The following CACNA1E variants were observed in gnomAD, a reference collection of about 807,000 sequenced individuals.
The protein encoded by CACNA1E is calcium voltage-gated channel subunit alpha1 E.
In CACNA1E, 40 loss-of-function variants were observed where a neutral mutation model predicts 259.2. That is an observed-to-expected ratio of 0.15 (90% CI 0.12 to 0.20). CACNA1E has a LOEUF of 0.20. CACNA1E is among the 10% of genes least tolerant of loss of function. The probability of loss-of-function intolerance (pLI) is 1.00; values close to 1 mark genes in which losing one functional copy is unlikely to be tolerated. For missense variants in CACNA1E, 1,874 were observed against 3,040.1 expected (o/e 0.62, Z 9.02); for synonymous variants, 1,104 against 1,138.5 (o/e 0.97, Z 0.61).
intron 1 of CACNA1E, among the ~76,000 whole-genome samples, chr1:181,320,155 C>T (rs1409808053): frequency 3.3e-5 from 5 of 152,154 alleles, no homozygotes; most frequent in Admixed American, 6.5e-5. Flanking sequence ...GTTGAGCTAT[C>T]GGATCATCGC....
chr1:181,511,496 C>T lies in CACNA1E; in HGVS notation c.498C>T (p.Ile166=), dbSNP rs376114074. 30 of 1,613,604 alleles carry T rather than the reference C, an allele frequency of 1.9e-5. No homozygotes were observed. The Middle Eastern group carries it at 5.1e-4, about 27-fold the overall frequency. The stretch of plus-strand genomic sequence containing the variant: ...ATGGCTGGAATGTCATGGACTTCAT[C>T]GTGGTCCTCAGTGGGTAAGTCCATT... The part of the protein sequence containing the change: ...LRNGWNVMDF[I]VVLSGILATA... Residue 166 remains isoleucine, a synonymous_variant, in exon 3 of 48, where the codon ATC becomes ATT. Coordinates refer to ENST00000367573, the MANE Select transcript of CACNA1E (RefSeq NM_001205293.3).
At position 181,764,341 on chromosome 1, in the gene CACNA1E, G is replaced by A. The variant is rs76798818; in HGVS notation, c.4815+810G>A. On this transcript the variant is annotated intron_variant, in intron 34 of 47. Coordinates refer to ENST00000367573, the MANE Select transcript of CACNA1E (RefSeq NM_001205293.3). ...CCAAAATGAGTTTTTCAGTGAATGT[G>A]TTTAAAAATAAATTTGATGGAATTA... Among the ~76,000 whole-genome samples, 641 of 152,216 alleles carry A rather than the reference G, an allele frequency of 4.2e-3. 15 individuals are homozygous for A. The East Asian group carries it at 0.06, about 14-fold the overall frequency.
At chr1:181,717,032 C>T (rs984844017) in intron 10 of CACNA1E, 61 bp from the exon 11 acceptor site, 82 of 1,448,480 alleles carry the variant, frequency 5.7e-5, no homozygotes, top group Admixed American at 2.0e-4. Context: ...CCTTCGAATG[C>T]TCCCTGGCCC....
At chr1:181,691,968 G>A (rs1651207111) in intron 7 of CACNA1E, among the ~76,000 whole-genome samples, 1 of 152,122 alleles carries the variant, frequency 6.6e-6, no homozygotes, top group African/African-American at 2.4e-5. Flanking sequence ...CTTCAGTGAA[G>A]TTTCAGGATA....
chr1:181,417,112 T>G (rs1411808674), intron 2 of CACNA1E, among the ~76,000 whole-genome samples: 1 of 152,022 alleles, frequency 6.6e-6, no homozygotes, highest in African/African-American at 2.4e-5. Context: ...CCCTCTTTTC[T>G]CTCCACTCCC....
chr1:181,596,204 A>G (rs28585649), intron 6 of CACNA1E, among the ~76,000 whole-genome samples: 2 of 152,198 alleles, frequency 1.3e-5, no homozygotes, highest in African/African-American at 4.8e-5. Flanking sequence ...GCTCACAGAC[A>G]GAGATCCCCT....
At chr1:181,613,214 G>T (rs4271174) in intron 6 of CACNA1E, among the ~76,000 whole-genome samples, 16,748 of 151,966 alleles carry the variant, frequency 0.11, 1,239 homozygotes, top group South Asian at 0.21. Flanking sequence ...TGGTTATTTT[G>T]TTTTCTTCTC....
At chr1:181,518,242 A>G (rs887149960) in intron 3 of CACNA1E, among the ~76,000 whole-genome samples, 13 of 152,160 alleles carry the variant, frequency 8.5e-5, no homozygotes, top group African/African-American at 2.9e-4. Context: ...ACCTGGCATC[A>G]GCATTATTAA....
At chr1:181,753,946 G>T (rs899850272) in intron 27 of CACNA1E, among the ~76,000 whole-genome samples, 1 of 152,186 alleles carries the variant, frequency 6.6e-6, no homozygotes, top group Non-Finnish European at 1.5e-5. Flanking sequence ...TCCCAAGGAA[G>T]TGGCCTGGCC....
At chr1:181,678,716 A>G (rs1396825381) in intron 7 of CACNA1E, among the ~76,000 whole-genome samples, 2 of 152,106 alleles carry the variant, frequency 1.3e-5, no homozygotes, top group Non-Finnish European at 2.9e-5. Context: ...CTCATTCTTC[A>G]TTTAATTAGC....
intron 1 of CACNA1E, among the ~76,000 whole-genome samples, chr1:181,364,974 G>T (rs1443891532): frequency 2.6e-5 from 4 of 152,132 alleles, no homozygotes; most frequent in Admixed American, 2.6e-4. Flanking sequence ...ACAAGCCTTT[G>T]GAAGCGTTCG....
intron 7 of CACNA1E, among the ~76,000 whole-genome samples, chr1:181,693,370 C>G (rs1651391057): frequency 6.6e-6 from 1 of 152,028 alleles, no homozygotes. Context: ...TTCATTGCAG[C>G]ACTATTTACA....
intron 3 of CACNA1E, among the ~76,000 whole-genome samples, chr1:181,551,627 A>G (rs993033143): frequency 6.6e-6 from 1 of 152,154 alleles, no homozygotes; most frequent in Non-Finnish European, 1.5e-5. Flanking sequence ...GGGTGTGCGA[A>G]AAAGCTCTGT....
At chr1:181,660,602 G>T (rs566868755) in intron 7 of CACNA1E, among the ~76,000 whole-genome samples, 2 of 152,202 alleles carry the variant, frequency 1.3e-5, no homozygotes, top group African/African-American at 4.8e-5. Flanking sequence ...TGCATCTCCT[G>T]TTGGGTGTGC....
rs931347269 is a variant in CACNA1E, at chr1:181,674,372, G to A, written c.1055+22931G>A. 2.1e-4 allele frequency among the ~76,000 whole-genome samples: 30 copies of A among 141,310 alleles called. No homozygotes were observed. In the South Asian group the frequency reaches 4.2e-3, roughly 20 times the overall value. 92.7% of individuals were successfully genotyped at this position (141,310 alleles called of 152,430 possible). A position where few individuals can be genotyped will look rare whatever the true frequency, so the allele number is the denominator to read the frequency against. On this transcript the variant is annotated intron_variant, in intron 7 of 47. Coordinates refer to ENST00000367573, the MANE Select transcript of CACNA1E (RefSeq NM_001205293.3). ...CGCGCCACTGTGCACTCCAGTGTGG[G>A]TGACAGAGCAAGACTCCATCTCAAA... is the stretch of plus-strand genomic sequence containing the variant.
intron 1 of CACNA1E, among the ~76,000 whole-genome samples, chr1:181,325,200 G>A (rs984170089): frequency 6.6e-6 from 1 of 152,234 alleles, no homozygotes; most frequent in African/African-American, 2.4e-5. Flanking sequence ...ACACGGAGGT[G>A]TGAATCACTC....
chr1:181,328,147 G>A (rs1374546190), intron 1 of CACNA1E, among the ~76,000 whole-genome samples: 1 of 152,168 alleles, frequency 6.6e-6, no homozygotes, highest in East Asian at 1.9e-4. Context: ...TCACAGTTCT[G>A]GAGGCTGGGA....
intron 6 of CACNA1E, among the ~76,000 whole-genome samples, chr1:181,588,566 CATCAT>C: frequency 6.6e-6 from 1 of 152,190 alleles, no homozygotes; most frequent in East Asian, 1.9e-4. Context: ...ACCAGGATGC[CATCAT>C]GTTTGGGATT....
chr1:181,415,506 G>C (rs1331934859), intron 2 of CACNA1E, among the ~76,000 whole-genome samples: 1 of 152,130 alleles, frequency 6.6e-6, no homozygotes. Flanking sequence ...AGTAGAAGGA[G>C]GTGGGAGGGT....
Sources: gnomAD v4.1 joint callset for allele counts (sites outside exome capture counted in the v4.1 genomes callset) on GRCh38, gnomAD v4.1.1 for gene constraint, MANE v1.5 for transcripts, NCBI Gene and HGNC (gene_info 2026-07-23, HGNC 2026-07-21) for gene names.